The following UBAC2 variants were observed in gnomAD, a reference collection of about 807,000 sequenced individuals.
The protein encoded by UBAC2 is ubiquitin-associated domain-containing protein 2.
A neutral mutation model predicts 44.0 loss-of-function variants in UBAC2; 26 were observed. The observed-to-expected ratio is 0.59, with a 90% confidence interval of 0.43 to 0.82. The LOEUF is 0.82. Among genes scored for constraint, UBAC2 ranks in the 40% least tolerant of loss-of-function variants. UBAC2 has a pLI of 0.00. For missense variants in UBAC2, 329 were observed against 419.4 expected (o/e 0.78, Z 1.88); for synonymous variants, 155 against 154.3 (o/e 1.00, Z -0.04).
intron 7 of UBAC2, among the ~76,000 whole-genome samples, chr13:99,361,985 C>T (rs907370931): frequency 6.6e-6 from 1 of 152,060 alleles, no homozygotes; most frequent in East Asian, 1.9e-4. Context: ...CCAGTCTGGA[C>T]AATGTAGCAA....
chr13:99,294,117 G>A (rs9284183), intron 4 of UBAC2, among the ~76,000 whole-genome samples: 86,289 of 151,884 alleles, frequency 0.57, 26,361 homozygotes, highest in Non-Finnish European at 0.71. Flanking sequence ...TACTCGGATC[G>A]TATTTAGCAA....
At chr13:99,231,765 T>C (rs567030320) in intron 1 of UBAC2, among the ~76,000 whole-genome samples, 4 of 152,292 alleles carry the variant, frequency 2.6e-5, no homozygotes, top group African/African-American at 9.6e-5. Flanking sequence ...GATGATCTAT[T>C]TTTGTAAAAT....
At chr13:99,322,794 C>T (rs16956459) in intron 6 of UBAC2, among the ~76,000 whole-genome samples, 1 of 152,112 alleles carries the variant, frequency 6.6e-6, no homozygotes, top group Non-Finnish European at 1.5e-5. Flanking sequence ...AAACACTTTA[C>T]GATGGTGCAA....
chr13:99,347,315 G>A (rs933471640), intron 7 of UBAC2, among the ~76,000 whole-genome samples: 2 of 43,924 alleles, frequency 4.6e-5, no homozygotes, highest in East Asian at 1.5e-3. Flanking sequence ...TACTATCCCC[G>A]GGCGCCCCCC....
At chr13:99,301,555 TTG>T (rs1490417314) in intron 4 of UBAC2, among the ~76,000 whole-genome samples, 86 of 152,270 alleles carry the variant, frequency 5.6e-4, no homozygotes, top group Non-Finnish European at 8.4e-4. Context: ...GCTAATAGAG[TTG>T]CTAACACTTC....
intron 8 of UBAC2, among the ~76,000 whole-genome samples, chr13:99,370,337 G>C (rs1366366469): frequency 1.3e-5 from 2 of 152,306 alleles, no homozygotes; most frequent in Admixed American, 6.5e-5. Flanking sequence ...AACAATTGGT[G>C]AATCTGGTTA....
chr13:99,252,324 A>C (rs562406341), intron 4 of UBAC2, among the ~76,000 whole-genome samples: 73 of 152,316 alleles, frequency 4.8e-4, no homozygotes, highest in Non-Finnish European at 5.9e-4. Context: ...TGGCTGTTTG[A>C]GGGGGAACCA....
At chr13:99,331,216 G>A (rs954484528) in intron 6 of UBAC2, among the ~76,000 whole-genome samples, 10 of 152,158 alleles carry the variant, frequency 6.6e-5, no homozygotes, top group Non-Finnish European at 1.5e-4. Context: ...CCTTAAAGTC[G>A]CCTTTTGTCC....
In UBAC2 at chr13:99,385,352, C is replaced by T. The variant is rs1482644889; in HGVS notation, c.*17C>T. 3.1e-6 allele frequency: 5 copies of T among 1,604,266 alleles called. No homozygotes were observed. Among genetic ancestry groups the T allele is most frequent in the Non-Finnish European group, 4.3e-6 (5 of 1,171,388 alleles). On this transcript the variant is annotated 3_prime_UTR_variant, in exon 9 of 9. Coordinates refer to ENST00000403766, the MANE Select transcript of UBAC2 (RefSeq NM_001144072.2). ...CAGCACTGATAGTCCCAGGCCAACA[C>T]TGGGACCGGACCGGCAGCCGAGTGA... is the stretch of plus-strand genomic sequence containing the variant.
rs373782349 is a variant in UBAC2 at position 99,209,204 on chromosome 13, C to CCCTACCTCA, written c.31+8266_31+8274dup. On this transcript the variant is annotated intron_variant, in intron 1 of 8. Transcript: ENST00000403766. Reference sequence around the variant, plus strand: ...TAGCACATGAAATAGGCCATCGAGCCCCTACCTCAGCTTGGTATGAAGGTG... The same window carrying CCCTACCTCA: ...TAGCACATGAAATAGGCCATCGAGCCCCTACCTCACCTACCTCAGCTTGGTATGAAGGTG... Among the ~76,000 whole-genome samples, 210 of 152,294 alleles carry CCCTACCTCA rather than the reference C, an allele frequency of 1.4e-3. 2 individuals are homozygous for CCCTACCTCA. The highest frequency in any genetic ancestry group is 4.9e-3 in the African/African-American group (205 of 41,544).
intron 2 of UBAC2, among the ~76,000 whole-genome samples, chr13:99,242,526 C>T (rs1722612327): frequency 1.4e-5 from 2 of 140,496 alleles, no homozygotes; most frequent in Non-Finnish European, 3.1e-5. Flanking sequence ...CACCTCCCTC[C>T]CGGACGGGGC....
intron 7 of UBAC2, chr13:99,351,806 T>A: frequency 2.2e-6 from 1 of 456,318 alleles, no homozygotes; most frequent in Non-Finnish European, 4.4e-6. Flanking sequence ...TCCTTGGTGC[T>A]CTTCTTTTAA....
rs375651118 is a variant in UBAC2 at position 99,230,941 on chromosome 13, CA to C, written c.32-7485del. ...GCACGTGCCTGTAGTCCCAGCTACTCAGGGGGCTGAGGCAGGAGAATCGCTA... is the reference window on the plus strand; with the variant it reads ...GCACGTGCCTGTAGTCCCAGCTACTCGGGGGCTGAGGCAGGAGAATCGCTA... On this transcript the variant is annotated intron_variant, in intron 1 of 8. Transcript: ENST00000403766. 7.4e-3 allele frequency among the ~76,000 whole-genome samples: 1,128 copies of C among 152,092 alleles called. 10 individuals are homozygous for C. Among genetic ancestry groups the C allele is most frequent in the South Asian group, 0.057 (273 of 4,812 alleles).
Position 99,385,441 on chromosome 13 carries a change from G to A in UBAC2, c.*106G>A, listed in dbSNP as rs1356491019. On this transcript the variant is annotated 3_prime_UTR_variant, in exon 9 of 9. Coordinates refer to ENST00000403766, the MANE Select transcript of UBAC2 (RefSeq NM_001144072.2). ...GAGCATCTCTGGTGCTGATGTTCTT[G>A]TGGGAAGAGGGAGGTTCCACCGCAC... is the stretch of plus-strand genomic sequence containing the variant. 2.2e-6 allele frequency: 2 copies of A among 903,558 alleles called. No homozygotes were observed. Among genetic ancestry groups the A allele is most frequent in the African/African-American group, 1.6e-5 (1 of 61,252 alleles). 56.0% of individuals were successfully genotyped at this position (903,558 alleles called of 1,614,324 possible). A position where few individuals can be genotyped will look rare whatever the true frequency, so the allele number is the denominator to read the frequency against.
chr13:99,331,716 G>C (rs2044718353), intron 6 of UBAC2, among the ~76,000 whole-genome samples: 1 of 152,120 alleles, frequency 6.6e-6, no homozygotes, highest in Non-Finnish European at 1.5e-5. Flanking sequence ...AATAACTTTG[G>C]GAATCCCTAA....
At chr13:99,214,880 T>C (rs531336011) in intron 1 of UBAC2, among the ~76,000 whole-genome samples, 2 of 152,252 alleles carry the variant, frequency 1.3e-5, no homozygotes, top group Admixed American at 6.5e-5. Context: ...GCTTGTTCGG[T>C]GGCATTTGCA....
chr13:99,376,609 A>C (rs2045483216), intron 8 of UBAC2, among the ~76,000 whole-genome samples: 1 of 152,208 alleles, frequency 6.6e-6, no homozygotes, highest in African/African-American at 2.4e-5. Flanking sequence ...TGGATGTTAC[A>C]TTTGGGGAAT....
chr13:99,203,484 A>G (rs2042831616), intron 1 of UBAC2, among the ~76,000 whole-genome samples: 1 of 152,190 alleles, frequency 6.6e-6, no homozygotes, highest in African/African-American at 2.4e-5. Flanking sequence ...GCCATTTTCT[A>G]CCACCTGCAT....
chr13:99,242,800 G>A (rs2043331500), intron 2 of UBAC2, among the ~76,000 whole-genome samples: 1 of 147,122 alleles, frequency 6.8e-6, no homozygotes, highest in Non-Finnish European at 1.5e-5. Context: ...CAGACGGGGT[G>A]GCTGCCGGGC....
Sources: gnomAD v4.1 joint callset for allele counts (sites outside exome capture counted in the v4.1 genomes callset) on GRCh38, gnomAD v4.1.1 for gene constraint, MANE v1.5 for transcripts, NCBI Gene and HGNC (gene_info 2026-07-23, HGNC 2026-07-21) for gene names.